MECOM: variants seen among roughly 807,000 people sequenced by gnomAD.
MECOM encodes histone-lysine N-methyltransferase MECOM.
A neutral mutation model predicts 116.3 loss-of-function variants in MECOM; 13 were observed. The ratio of observed to expected loss-of-function variants is 0.11; its 90% CI spans 0.07 to 0.18. The LOEUF (loss-of-function observed/expected upper bound fraction) is 0.18. Among genes scored for constraint, MECOM ranks in the 10% least tolerant of loss-of-function variants. The pLI is 1.00. For synonymous variants in MECOM, 528 were observed against 535.2 expected, an observed-to-expected ratio of 0.99 and a Z score of 0.19; for missense variants, 1,299 against 1,509.0, an observed-to-expected ratio of 0.86 and a Z score of 2.31.
intron 1 of MECOM, among the ~76,000 whole-genome samples, chr3:169,642,883 G>A (rs929450385): frequency 1.3e-5 from 2 of 151,998 alleles, no homozygotes; most frequent in African/African-American, 2.4e-5. Context: ...TTCTGGATGT[G>A]CTAGTAAAGC....
intron 3 of MECOM, among the ~76,000 whole-genome samples, chr3:169,143,458 GA>G (rs1560265971): frequency 6.6e-6 from 1 of 152,056 alleles, no homozygotes; most frequent in Non-Finnish European, 1.5e-5. Flanking sequence ...GTCACACCAA[GA>G]AAACTGGTGC....
At chr3:169,190,001 C>T (rs1747305552) in intron 2 of MECOM, among the ~76,000 whole-genome samples, 1 of 152,018 alleles carries the variant, frequency 6.6e-6, no homozygotes, top group South Asian at 2.1e-4. Context: ...TCCAATTTGG[C>T]AGTTGTAGCA....
At chr3:169,499,388 A>G (rs7651748) in intron 1 of MECOM, among the ~76,000 whole-genome samples, 73,511 of 144,782 alleles carry the variant, frequency 0.51, 20,113 homozygotes, top group African/African-American at 0.72. Context: ...TAGTCAGAAT[A>G]AGAGAAGAAC....
intron 1 of MECOM, among the ~76,000 whole-genome samples, chr3:169,478,838 G>A (rs1750860281): frequency 6.6e-6 from 1 of 152,126 alleles, no homozygotes; most frequent in Admixed American, 6.5e-5. Context: ...ACCATACTGG[G>A]TCATTTTACA....
At chr3:169,235,930 T>A (rs1754003964) in intron 2 of MECOM, among the ~76,000 whole-genome samples, 1 of 152,116 alleles carries the variant, frequency 6.6e-6, no homozygotes. Flanking sequence ...ACAACCTTTT[T>A]TTTTACTTTA....
intron 2 of MECOM, among the ~76,000 whole-genome samples, chr3:169,302,348 A>C (rs1420858271): frequency 6.6e-6 from 1 of 152,200 alleles, no homozygotes. Flanking sequence ...GGGTGGCACA[A>C]CACCTCCTGC....
At chr3:169,645,415 T>A (rs1774046282) in intron 1 of MECOM, among the ~76,000 whole-genome samples, 1 of 152,208 alleles carries the variant, frequency 6.6e-6, no homozygotes, top group South Asian at 2.1e-4. Flanking sequence ...AAGACAAAAG[T>A]GGCTAGCAAT....
intron 2 of MECOM, among the ~76,000 whole-genome samples, chr3:169,158,170 T>G (rs1742295233): frequency 6.6e-6 from 1 of 152,216 alleles, no homozygotes; most frequent in Admixed American, 6.5e-5. Context: ...CTACGTAACT[T>G]TTAAAAAATG....
chr3:169,143,445 T>A (rs977909682), intron 3 of MECOM, among the ~76,000 whole-genome samples: 3 of 152,104 alleles, frequency 2.0e-5, no homozygotes, highest in South Asian at 4.1e-4. Flanking sequence ...AGTTTTTAAA[T>A]CAGTCACACC....
intron 1 of MECOM, among the ~76,000 whole-genome samples, chr3:169,553,215 G>T (rs1761613429): frequency 6.6e-6 from 1 of 151,952 alleles, no homozygotes; most frequent in Non-Finnish European, 1.5e-5. Flanking sequence ...TATGTGCCAG[G>T]CATTTTTGAG....
chr3:169,483,638 G>C, intron 1 of MECOM: 1 of 1,417,830 alleles, frequency 7.1e-7, no homozygotes, highest in Non-Finnish European at 9.6e-7. Flanking sequence ...TTTTATTCAA[G>C]AACTCATACA....
intron 1 of MECOM, among the ~76,000 whole-genome samples, chr3:169,647,045 A>G (rs945943096): frequency 6.6e-6 from 1 of 152,218 alleles, no homozygotes; most frequent in African/African-American, 2.4e-5. Flanking sequence ...TCTTTAAGTT[A>G]AAGTGTCTTT....
chr3:169,618,476 T>C (rs544826187), intron 1 of MECOM, among the ~76,000 whole-genome samples: 71 of 152,006 alleles, frequency 4.7e-4, no homozygotes, highest in Non-Finnish European at 6.8e-4. Context: ...GCCAACATGG[T>C]GAAACCCCGT....
chr3:169,513,713 CAT>C (rs1268594489), intron 1 of MECOM, among the ~76,000 whole-genome samples: 1 of 152,140 alleles, frequency 6.6e-6, no homozygotes, highest in African/African-American at 2.4e-5. Context: ...GCATGCATTA[CAT>C]ATATATTTTA....
chr3:169,444,082 C>T (rs1744201853), intron 1 of MECOM, among the ~76,000 whole-genome samples: 1 of 152,174 alleles, frequency 6.6e-6, no homozygotes, highest in Admixed American at 6.5e-5. Flanking sequence ...TTTAAGTTAT[C>T]CTTTGCCCTG....
intron 2 of MECOM, among the ~76,000 whole-genome samples, chr3:169,225,594 C>T (rs558313083): frequency 1.3e-5 from 2 of 152,238 alleles, no homozygotes; most frequent in African/African-American, 2.4e-5. Context: ...TTAGGCAGCT[C>T]GTCCTAAGAC....
intron 7 of MECOM, among the ~76,000 whole-genome samples, chr3:169,120,049 T>C (rs2149107881): frequency 6.6e-6 from 1 of 152,302 alleles, no homozygotes; most frequent in South Asian, 2.1e-4. Context: ...GGTCCTGTAG[T>C]AGTGTCTCAT....
At chr3:169,480,477 T>G (rs929415719) in intron 1 of MECOM, among the ~76,000 whole-genome samples, 2 of 152,178 alleles carry the variant, frequency 1.3e-5, no homozygotes, top group Non-Finnish European at 2.9e-5. Flanking sequence ...TGGCTGCCAT[T>G]CCTCTCCTTC....
At chr3:169,235,113 A>C (rs150377256) in intron 2 of MECOM, among the ~76,000 whole-genome samples, 1 of 152,310 alleles carries the variant, frequency 6.6e-6, no homozygotes, top group Admixed American at 6.5e-5. Flanking sequence ...TAAAAGTCCA[A>C]TTTTATAGTT....
Sources: allele counts gnomAD v4.1 joint callset (sites outside exome capture counted in the v4.1 genomes callset), GRCh38; gene constraint gnomAD v4.1.1; transcripts MANE v1.5; gene names NCBI Gene and HGNC (gene_info 2026-07-23, HGNC 2026-07-21).